Variants in TECPR2 observed in about 807,000 individuals in gnomAD.
The protein encoded by TECPR2 is tectonin beta-propeller repeat-containing protein 2.
A neutral mutation model predicts 138.1 loss-of-function variants in TECPR2; 65 were observed. The observed-to-expected ratio is 0.47, with a 90% CI of 0.39 to 0.58. The LOEUF is 0.58. Among genes scored for constraint, TECPR2 ranks in the 20% least tolerant of loss-of-function variants. The pLI, the probability that TECPR2 is intolerant of heterozygous loss-of-function variation, is 0.00. For missense variants in TECPR2, 1,553 were observed against 1,824.5 expected (o/e 0.85, Z 2.71); for synonymous variants, 746 against 749.8 (o/e 0.99, Z 0.08).
At chr14:102,475,933 C>A (rs1398775944) in intron 17 of TECPR2, among the ~76,000 whole-genome samples, 1 of 152,028 alleles carries the variant, frequency 6.6e-6, no homozygotes, top group East Asian at 1.9e-4. Context: ...CCAGGCTAGG[C>A]CAGGCATGCA....
intron 2 of TECPR2, among the ~76,000 whole-genome samples, chr14:102,398,877 A>G (rs1167141649): frequency 6.6e-6 from 1 of 151,910 alleles, no homozygotes; most frequent in African/African-American, 2.4e-5. Context: ...AACCTGAGGA[A>G]GCTGACTAAA....
At chr14:102,405,815 A>G (rs939285237) in intron 2 of TECPR2, among the ~76,000 whole-genome samples, 3 of 152,238 alleles carry the variant, frequency 2.0e-5, no homozygotes, top group Admixed American at 2.0e-4. Context: ...AACAAAATGT[A>G]GTATGTACAT....
chr14:102,365,506 G>GT lies in TECPR2; in HGVS notation c.-73+2390_-73+2391insT, dbSNP rs200458015. Among the ~76,000 whole-genome samples the GT allele has an allele frequency of 2.3e-3, 346 of 152,258 alleles. 12 individuals carry two copies. In the East Asian group the frequency reaches 0.047, roughly 21 times the overall value. ...GCTGATGGATGCACAAACAAAACGT[G>GT]GCCTGTCTACACAATGGAAGGCTGT... On this transcript the variant is annotated intron_variant, in intron 1 of 19. Coordinates refer to ENST00000359520, the MANE Select transcript of TECPR2 (RefSeq NM_014844.5).
intron 17 of TECPR2, among the ~76,000 whole-genome samples, chr14:102,480,799 C>T (rs992113096): frequency 4.8e-5 from 7 of 146,146 alleles, no homozygotes; most frequent in South Asian, 4.5e-4. Context: ...GGATTGCGGG[C>T]GTGTGCCACT....
intron 1 of TECPR2, among the ~76,000 whole-genome samples, chr14:102,364,489 C>T (rs1269829984): frequency 6.6e-6 from 1 of 152,134 alleles, no homozygotes; most frequent in East Asian, 1.9e-4. Flanking sequence ...GGCCCATGAA[C>T]TTTAAAAGGG....
At chr14:102,396,104 C>CTTTT (rs5811067) in intron 2 of TECPR2, among the ~76,000 whole-genome samples, 1 of 136,352 alleles carries the variant, frequency 7.3e-6, no homozygotes, top group Non-Finnish European at 1.6e-5. Flanking sequence ...CTTTAGTACT[C>CTTTT]TTTTTTTTTT....
At chr14:102,470,623 A>G (rs992278053) in intron 17 of TECPR2, among the ~76,000 whole-genome samples, 18 of 144,682 alleles carry the variant, frequency 1.2e-4, no homozygotes, top group African/African-American at 4.3e-4. Flanking sequence ...AGAATTTTCT[A>G]TTTCTTCTTC....
At chr14:102,442,001 C>A (rs764631865) in intron 11 of TECPR2, among the ~76,000 whole-genome samples, 1 of 152,102 alleles carries the variant, frequency 6.6e-6, no homozygotes, top group Non-Finnish European at 1.5e-5. Context: ...TGTTTTGAGA[C>A]GGAATCTCGC....
chr14:102,433,242 G>C (rs1889561118), intron 8 of TECPR2, among the ~76,000 whole-genome samples: 1 of 150,708 alleles, frequency 6.6e-6, no homozygotes. Flanking sequence ...TTTGTTACAT[G>C]GGTATACAGC....
chr14:102,432,162 G>A, intron 8 of TECPR2, 34 bp downstream of exon 8: 2 of 1,466,690 alleles, frequency 1.4e-6, no homozygotes, highest in Non-Finnish European at 9.0e-7. Flanking sequence ...CCCATCTGGG[G>A]TTACAGTCTT....
intron 9 of TECPR2, among the ~76,000 whole-genome samples, chr14:102,436,045 C>G (rs1193278859): frequency 6.6e-6 from 1 of 152,198 alleles, no homozygotes; most frequent in Non-Finnish European, 1.5e-5. Flanking sequence ...TCACCATGTG[C>G]AGGTATCCCA....
At chr14:102,496,778 G>A in intron 17 of TECPR2, 1 of 742,184 alleles carries the variant, frequency 1.3e-6, no homozygotes. Context: ...CCTCAGTCTG[G>A]CCCACCTGAC....
chr14:102,483,010 AT>A (rs779947458), intron 17 of TECPR2, among the ~76,000 whole-genome samples: 363 of 140,672 alleles, frequency 2.6e-3, no homozygotes, highest in Middle Eastern at 3.6e-3. Flanking sequence ...CGCCTGGCTA[AT>A]TTTTTTTTTT....
intron 17 of TECPR2, among the ~76,000 whole-genome samples, chr14:102,470,590 G>A (rs1419500853): frequency 1.3e-5 from 2 of 151,164 alleles, no homozygotes; most frequent in African/African-American, 4.9e-5. Flanking sequence ...TTACAGGCAT[G>A]AGCCACTGCA....
chr14:102,420,322 A>G lies in TECPR2; in HGVS notation c.639-4657A>G, dbSNP rs1286134998. 6.6e-6 allele frequency among the ~76,000 whole-genome samples: 1 copy of G among 152,204 alleles called. No homozygotes were observed. The highest frequency in any genetic ancestry group is 1.5e-5 in the Non-Finnish European group (1 of 68,028). On this transcript the variant is annotated intron_variant, in intron 5 of 19. Transcript: ENST00000359520. The surrounding 1 kb of genome is among the most constrained non-coding windows in gnomAD (Gnocchi z 4.1). Reference sequence around the variant, plus strand: ...CTTAGACCTTAAAAGTTGGAGCTTCAGTGTCAAATTCAGAAAGCACCAGCA... The same window carrying G: ...CTTAGACCTTAAAAGTTGGAGCTTCGGTGTCAAATTCAGAAAGCACCAGCA...
In TECPR2 at chr14:102,407,433, A is replaced by G. The variant is rs1164905694; in HGVS notation, c.315A>G (p.Gln105=). 3.1e-6 allele frequency: 5 copies of G among 1,613,502 alleles called. No individual in the cohort carries two copies. The highest frequency in any genetic ancestry group is 1.3e-5 in the African/African-American group (1 of 75,050). The stretch of plus-strand genomic sequence containing the variant: ...CCTCTGGCAGGGTTGCAGTTTTTCA[A>G]CTTGTATCTTCATTGCCAGGGAGAA... ...GTASGRVAVF[Q]LVSSLPGRNK... Residue 105 remains glutamine (Q), a synonymous_variant, in exon 3 of 20, where the codon CAA becomes CAG. Transcript: ENST00000359520.
intron 2 of TECPR2, among the ~76,000 whole-genome samples, chr14:102,390,803 AATATAT>A (rs10570260): frequency 1.3e-5 from 2 of 148,812 alleles, no homozygotes; most frequent in African/African-American, 4.9e-5. Context: ...TCAGGGGAAG[AATATAT>A]ATATATATAT....
chr14:102,416,108 T>C (rs1889018225), intron 5 of TECPR2, among the ~76,000 whole-genome samples: 1 of 152,154 alleles, frequency 6.6e-6, no homozygotes, highest in Non-Finnish European at 1.5e-5. Flanking sequence ...CTGAACACCT[T>C]CTTTTTTCTT....
chr14:102,453,902 A>C (rs1890214887), intron 16 of TECPR2, among the ~76,000 whole-genome samples: 1 of 152,004 alleles, frequency 6.6e-6, no homozygotes, highest in South Asian at 2.1e-4. Flanking sequence ...TAATCCCAGC[A>C]CTTTGGGAGG....
Sources: gnomAD v4.1 joint callset for allele counts (sites outside exome capture counted in the v4.1 genomes callset) on GRCh38, gnomAD v4.1.1 for gene constraint, Gnocchi (gnomAD v3.1) non-coding constraint, MANE v1.5 for transcripts, NCBI Gene and HGNC (gene_info 2026-07-23, HGNC 2026-07-21) for gene names.